Variants in MBNL2 observed in about 807,000 individuals in gnomAD.
MBNL2 encodes muscleblind-like protein 2.
In MBNL2, 17 loss-of-function variants were observed where a neutral mutation model predicts 41.9. The ratio of observed to expected loss-of-function variants is 0.41; its 90% CI spans 0.28 to 0.61. The LOEUF (loss-of-function observed/expected upper bound fraction) is 0.61, where lower values mean the gene tolerates loss of function less well. Among genes scored for constraint, MBNL2 ranks in the 20% least tolerant of loss-of-function variants. The pLI is 0.35. For missense variants in MBNL2, 336 were observed against 505.6 expected, an observed-to-expected ratio of 0.66 and a Z score of 3.22; for synonymous variants, 195 against 182.9, an observed-to-expected ratio of 1.07 and a Z score of -0.53.
At chr13:97,356,668 C>T in intron 5 of MBNL2, 128 bp from the exon 6 acceptor site, 4 of 290,296 alleles carry the variant, frequency 1.4e-5, no homozygotes, top group Admixed American at 4.3e-5. Context: ...ATATTTTTTT[C>T]CTTCTCACCT....
chr13:97,360,457 T>C (rs2063308980), intron 7 of MBNL2, among the ~76,000 whole-genome samples: 1 of 152,202 alleles, frequency 6.6e-6, no homozygotes, highest in African/African-American at 2.4e-5. Flanking sequence ...ACCAAGTAGT[T>C]AGACTTTTTC....
intron 1 of MBNL2, among the ~76,000 whole-genome samples, chr13:97,235,757 G>A (rs753649243): frequency 2.6e-5 from 4 of 152,144 alleles, no homozygotes; most frequent in Non-Finnish European, 5.9e-5. Flanking sequence ...CTGGGGCCCA[G>A]AGCTGCAGAC....
At chr13:97,221,343 A>G (rs2040841361), upstream of MBNL2, 1 of 151,916 alleles carries the variant, frequency 6.6e-6, no homozygotes, top group Admixed American at 6.6e-5. Context: ...TTTGTTTTCA[A>G]GGCATACAGA....
At chr13:97,157,790 G>C in the MBNL2 span, among the ~76,000 whole-genome samples, 1 of 151,272 alleles carries the variant, frequency 6.6e-6, no homozygotes, top group Admixed American at 6.6e-5. Context: ...TGCTGGATTT[G>C]GTTTGCCAGT....
At position 97,290,678 on chromosome 13, in the gene MBNL2, G is replaced by T. The variant is rs866786138; in HGVS notation, c.174+14269G>T. On this transcript the variant is annotated intron_variant, in intron 2 of 8. Coordinates refer to ENST00000679496, the MANE Select transcript of MBNL2 (RefSeq NM_001382683.1). ...GGCCTGGGCGACAGAGCGAGACTCCGTCTCAAAAAAAAAAAAAAAAAAAGA... is the reference window on the plus strand; with the variant it reads ...GGCCTGGGCGACAGAGCGAGACTCCTTCTCAAAAAAAAAAAAAAAAAAAGA... Among the ~76,000 whole-genome samples, 20 of 75,062 alleles carry T rather than the reference G, an allele frequency of 2.7e-4. No individual in the cohort carries two copies. In the South Asian group the frequency reaches 6.6e-3, roughly 25 times the overall value. The allele number at this position is 75,062 out of a possible 152,430, so 49.2% of individuals were successfully genotyped here. A position where few individuals can be genotyped will look rare whatever the true frequency, so the allele number is the denominator to read the frequency against.
At chr13:97,147,911 T>C in the MBNL2 span, among the ~76,000 whole-genome samples, 1 of 151,902 alleles carries the variant, frequency 6.6e-6, no homozygotes, top group African/African-American at 2.4e-5. Context: ...AGGAGAGTAG[T>C]GGGAAGAGGA....
intron 2 of MBNL2, among the ~76,000 whole-genome samples, chr13:97,303,837 A>G (rs755904824): frequency 7.9e-5 from 12 of 152,366 alleles, no homozygotes; most frequent in Non-Finnish European, 1.5e-4. Flanking sequence ...GAGACAACAT[A>G]GCAATTTTTG....
chr13:97,342,866 T>G, intron 3 of MBNL2, 150 bp from the exon 4 acceptor site: 1 of 555,354 alleles, frequency 1.8e-6, no homozygotes, highest in Non-Finnish European at 3.2e-6. Flanking sequence ...AGGGTCTACA[T>G]GGATGTCATT....
chr13:97,350,582 T>G (rs896068036), intron 5 of MBNL2, among the ~76,000 whole-genome samples: 1 of 152,244 alleles, frequency 6.6e-6, no homozygotes, highest in Non-Finnish European at 1.5e-5. Flanking sequence ...TTATATAGTT[T>G]GCTAAATCCT....
chr13:97,196,299 C>G, the MBNL2 span, among the ~76,000 whole-genome samples: 1 of 152,134 alleles, frequency 6.6e-6, no homozygotes, highest in East Asian at 1.9e-4. Context: ...TTGAAGTATC[C>G]TGGAAGGTAT....
chr13:97,270,132 T>G lies in MBNL2; in HGVS notation c.-604-5500T>G, dbSNP rs138790603. Reference sequence around the variant, plus strand: ...AGGCTGGAAGCTAGTTCTTAGGACTTTCTATCACCCTGGAAGTTCTGTTGA... The same window carrying G: ...AGGCTGGAAGCTAGTTCTTAGGACTGTCTATCACCCTGGAAGTTCTGTTGA... On this transcript the variant is annotated intron_variant, in intron 1 of 8. Transcript: ENST00000679496. Among the ~76,000 whole-genome samples, 735 of 152,268 alleles carry G rather than the reference T, an allele frequency of 4.8e-3. 3 individuals carry two copies. Among genetic ancestry groups the G allele is most frequent in the Non-Finnish European group, 7.6e-3 (519 of 68,028 alleles).
At chr13:97,379,287 G>C (rs1232575273) in intron 8 of MBNL2, among the ~76,000 whole-genome samples, 2 of 152,142 alleles carry the variant, frequency 1.3e-5, no homozygotes, top group Non-Finnish European at 2.9e-5. Context: ...AGAAAGCACT[G>C]AGAAAAGGCA....
chr13:97,248,745 T>C (rs1402278036), intron 1 of MBNL2, among the ~76,000 whole-genome samples: 1 of 152,194 alleles, frequency 6.6e-6, no homozygotes, highest in Non-Finnish European at 1.5e-5. Flanking sequence ...TAAAATCAGA[T>C]AAAGAAAAGG....
chr13:97,213,828 G>A, the MBNL2 span, among the ~76,000 whole-genome samples: 2 of 152,044 alleles, frequency 1.3e-5, no homozygotes, highest in South Asian at 2.1e-4. Context: ...CTTCAGGAAC[G>A]GTATATTGTA....
Position 97,335,104 on chromosome 13 carries a change from G to A in MBNL2, c.339+664G>A, listed in dbSNP as rs149013283. On this transcript the variant is annotated intron_variant, in intron 3 of 8. Transcript: ENST00000679496. ...GACCATTGTCACAAGACCAAATGCCGGAGGGACTTAGCATATAAATATGTA... is the reference window on the plus strand; with the variant it reads ...GACCATTGTCACAAGACCAAATGCCAGAGGGACTTAGCATATAAATATGTA... Among the ~76,000 whole-genome samples the A allele has an allele frequency of 1.2e-4, 19 of 152,298 alleles. No individual in the cohort carries two copies. In the East Asian group the frequency reaches 3.3e-3, roughly 26 times the overall value.
intron 2 of MBNL2, among the ~76,000 whole-genome samples, chr13:97,298,427 C>T (rs2057289673): frequency 6.6e-6 from 1 of 152,146 alleles, no homozygotes; most frequent in Admixed American, 6.5e-5. Flanking sequence ...ATCCCAAGCA[C>T]CTAGAATGCA....
Position 97,346,452 on chromosome 13 carries a change from T to C in MBNL2, c.541-352T>C, listed in dbSNP as rs2061878632. On this transcript the variant is annotated intron_variant, in intron 4 of 8. Transcript: ENST00000679496. The surrounding 1 kb of genome is among the most constrained non-coding windows in gnomAD (Gnocchi z 4.2). ...TGGATAAATAGATAGATGATAGATATATGGATGGATGGATAGACAGACAGA... is the reference window on the plus strand; with the variant it reads ...TGGATAAATAGATAGATGATAGATACATGGATGGATGGATAGACAGACAGA... 6.6e-6 allele frequency among the ~76,000 whole-genome samples: 1 copy of C among 151,726 alleles called. No homozygotes were observed. The highest frequency in any genetic ancestry group is 2.1e-4 in the South Asian group (1 of 4,792).
chr13:97,187,126 A>G, the MBNL2 span, among the ~76,000 whole-genome samples: 14,022 of 152,214 alleles, frequency 0.092, 692 homozygotes, highest in South Asian at 0.15. Flanking sequence ...GAGTACTTAG[A>G]AAGTGCAGAT....
chr13:97,232,851 ATGTGTGTGTGTGTGTGTGTGTGTGTG>A lies in MBNL2; in HGVS notation c.-605+10335_-605+10360del, dbSNP rs34769353. Among the ~76,000 whole-genome samples, 11 of 130,584 alleles carry A rather than the reference ATGTGTGTGTGTGTGTGTGTGTGTGTG, an allele frequency of 8.4e-5. No individual in the cohort carries two copies. The East Asian group carries it at 1.6e-3, about 19-fold the overall frequency. 85.7% of individuals were successfully genotyped at this position (130,584 alleles called of 152,430 possible). A position where few individuals can be genotyped will look rare whatever the true frequency, so the allele number is the denominator to read the frequency against. On this transcript the variant is annotated intron_variant, in intron 1 of 8. Transcript: ENST00000679496. ...CGGCCTTTTTCTTACTCTTGACGCTATGTGTGTGTGTGTGTGTGTGTGTGTGTGTGTGTGTGTGTGCGCACGTACAC... is the reference window on the plus strand; with the variant it reads ...CGGCCTTTTTCTTACTCTTGACGCTATGTGTGTGTGTGTGCGCACGTACAC...
Sources: gnomAD v4.1 joint callset for allele counts (sites outside exome capture counted in the v4.1 genomes callset) on GRCh38, gnomAD v4.1.1 for gene constraint, Gnocchi (gnomAD v3.1) non-coding constraint, MANE v1.5 for transcripts, NCBI Gene and HGNC (gene_info 2026-07-23, HGNC 2026-07-21) for gene names.